Variants in TAOK1 observed in about 807,000 individuals in gnomAD.
TAOK1 encodes the protein serine/threonine-protein kinase TAO1.
TAOK1 carries 21 observed loss-of-function variants against 138.3 expected under a neutral mutation model. The observed-to-expected ratio is 0.15, with a 90% confidence interval of 0.11 to 0.22. The LOEUF (loss-of-function observed/expected upper bound fraction) is 0.22, where lower values mean the gene tolerates loss of function less well. Ranked by LOEUF, TAOK1 falls within the 10% of genes least tolerant of loss-of-function variation. The probability of loss-of-function intolerance (pLI) is 1.00; values close to 1 mark genes in which losing one functional copy is unlikely to be tolerated. For missense variants in TAOK1, 651 were observed against 1,227.7 expected (o/e 0.53, Z 7.02); for synonymous variants, 361 against 398.4 (o/e 0.91, Z 1.12).
chr17:29,398,193 T>A (rs1904723170), intron 1 of TAOK1, among the ~76,000 whole-genome samples: 1 of 151,966 alleles, frequency 6.6e-6, no homozygotes, highest in Non-Finnish European at 1.5e-5. Flanking sequence ...TATTTAACTA[T>A]TTATGCCTCA....
intron 9 of TAOK1, among the ~76,000 whole-genome samples, chr17:29,490,640 T>C (rs2031278777): frequency 6.6e-6 from 1 of 152,226 alleles, no homozygotes; most frequent in Non-Finnish European, 1.5e-5. Context: ...TAGAATTATA[T>C]AGAACGAATC....
intron 19 of TAOK1, among the ~76,000 whole-genome samples, chr17:29,535,578 G>T (rs995315935): frequency 1.3e-5 from 2 of 152,066 alleles, no homozygotes; most frequent in Non-Finnish European, 2.9e-5. Flanking sequence ...TTTTAAACCA[G>T]GTGTTGTGGC....
intron 18 of TAOK1, among the ~76,000 whole-genome samples, chr17:29,533,418 T>C (rs1270550400): frequency 6.6e-6 from 1 of 151,858 alleles, no homozygotes; most frequent in Non-Finnish European, 1.5e-5. Flanking sequence ...GCAGAGACGC[T>C]CCTCACTTCC....
At chr17:29,397,684 C>CATGTATGATACATGTATATA (rs1555555367) in intron 1 of TAOK1, among the ~76,000 whole-genome samples, 1 of 128,116 alleles carries the variant, frequency 7.8e-6, no homozygotes, top group Non-Finnish European at 1.6e-5. Context: ...TACATGTATA[C>CATGTATGATACATGTATATA]ATGTATATTC....
Position 29,542,671 on chromosome 17 carries a change from A to T in TAOK1, c.2655A>T (p.Leu885=). 1 of 1,614,252 alleles carries T rather than the reference A, an allele frequency of 6.2e-7. No homozygotes were observed. The highest frequency in any genetic ancestry group is 8.5e-7 in the Non-Finnish European group (1 of 1,180,044). ...CTTTTGACTCTGAAAGCATGAGACT[A>T]GGTTTTAGTAATATGGTCCTTTCTA... ...IEAFDSESMR[L]GFSNMVLSNL... is the part of the protein sequence containing the mutation. Residue 885 remains leucine (L), a synonymous_variant, in exon 20 of 20, where the codon CTA becomes CTT. Coordinates refer to ENST00000261716, the MANE Select transcript of TAOK1 (RefSeq NM_020791.4).
chr17:29,518,094 G>A (rs1256885035), intron 16 of TAOK1, among the ~76,000 whole-genome samples: 1 of 152,216 alleles, frequency 6.6e-6, no homozygotes, highest in East Asian at 1.9e-4. Flanking sequence ...GGCCTCATGC[G>A]GTCTGCCCGT....
chr17:29,518,717 A>T (rs180755163), intron 16 of TAOK1, among the ~76,000 whole-genome samples: 69 of 145,850 alleles, frequency 4.7e-4, no homozygotes, highest in African/African-American at 1.7e-3. Flanking sequence ...CAAATGAAAA[A>T]TTTAAAATGT....
At chr17:29,499,690 G>A (rs2031489147) in intron 12 of TAOK1, among the ~76,000 whole-genome samples, 2 of 151,692 alleles carry the variant, frequency 1.3e-5, no homozygotes, top group South Asian at 2.1e-4. Flanking sequence ...CTCCTGAGTA[G>A]CTGGGATTAC....
intron 8 of TAOK1, among the ~76,000 whole-genome samples, chr17:29,487,358 A>T (rs972222048): frequency 6.6e-6 from 1 of 151,808 alleles, no homozygotes; most frequent in African/African-American, 2.4e-5. Flanking sequence ...TTGGAATTTG[A>T]GATATTGTAG....
intron 1 of TAOK1, among the ~76,000 whole-genome samples, chr17:29,398,534 C>G (rs572601508): frequency 5.9e-4 from 85 of 145,072 alleles, no homozygotes; most frequent in African/African-American, 2.1e-3. Context: ...TTTCTCTTTT[C>G]TTTTCTTTTT....
At chr17:29,512,288 G>C (rs1175816310) in intron 15 of TAOK1, 2 of 151,444 alleles carry the variant, frequency 1.3e-5, no homozygotes, top group Non-Finnish European at 2.9e-5. Flanking sequence ...TCAAACTCCT[G>C]ACCTCAGACA....
intron 1 of TAOK1, among the ~76,000 whole-genome samples, chr17:29,438,380 T>A (rs1906104112): frequency 6.6e-6 from 1 of 152,110 alleles, no homozygotes; most frequent in African/African-American, 2.4e-5. Flanking sequence ...AGTTTGCAAA[T>A]ACCTATAAAG....
intron 2 of TAOK1, among the ~76,000 whole-genome samples, chr17:29,458,079 C>T (rs1332355505): frequency 2.7e-5 from 4 of 150,562 alleles, no homozygotes; most frequent in African/African-American, 9.8e-5. Flanking sequence ...CACTGGGCTC[C>T]AGCCTGGGCG....
chr17:29,513,166 TTAA>T (rs2031755468), intron 15 of TAOK1: 1 of 151,058 alleles, frequency 6.6e-6, no homozygotes, highest in Non-Finnish European at 1.5e-5. Context: ...CAATTTGATA[TTAA>T]TGATTTTTGT....
intron 1 of TAOK1, among the ~76,000 whole-genome samples, chr17:29,397,697 G>C (rs919264336): frequency 7.3e-5 from 6 of 82,384 alleles, no homozygotes; most frequent in Non-Finnish European, 1.2e-4. Context: ...GTATATTCAT[G>C]TATGCATACA....
intron 1 of TAOK1, among the ~76,000 whole-genome samples, chr17:29,425,772 T>A (rs1213842466): frequency 6.6e-6 from 1 of 152,232 alleles, no homozygotes; most frequent in Non-Finnish European, 1.5e-5. Flanking sequence ...TAATCTAAGA[T>A]CAAGTGAAAT....
chr17:29,455,396 G>A (rs749183511), intron 2 of TAOK1, among the ~76,000 whole-genome samples: 6 of 150,250 alleles, frequency 4.0e-5, no homozygotes, highest in South Asian at 4.1e-4. Flanking sequence ...AAATTTCTAC[G>A]TACAGTATTA....
In TAOK1 at chr17:29,532,794, C is replaced by T. The variant is rs558812263; in HGVS notation, c.2362-1324C>T. On this transcript the variant is annotated intron_variant, in intron 18 of 19. Transcript: ENST00000261716. ...TCCGATTTCTCAATCTTTTCCCTAC[C>T]TTTCCCCCCTTTCTATTCCACAAAA... Among the ~76,000 whole-genome samples the T allele has an allele frequency of 3.3e-5, 5 of 152,124 alleles. No individual in the cohort carries two copies. The South Asian group carries it at 1.0e-3, about 32-fold the overall frequency.
At chr17:29,412,269 C>A (rs1403720669) in intron 1 of TAOK1, among the ~76,000 whole-genome samples, 2 of 152,204 alleles carry the variant, frequency 1.3e-5, no homozygotes, top group Non-Finnish European at 2.9e-5. Flanking sequence ...TCTCGAACTC[C>A]TGACCTCAAG....
Sources: gnomAD v4.1 joint callset for allele counts (sites outside exome capture counted in the v4.1 genomes callset) on GRCh38, gnomAD v4.1.1 for gene constraint, MANE v1.5 for transcripts, NCBI Gene and HGNC (gene_info 2026-07-23, HGNC 2026-07-21) for gene names.